The following NFATC2 variants were observed in gnomAD, a reference collection of about 807,000 sequenced individuals.
NFATC2 encodes nuclear factor of activated T-cells, cytoplasmic 2.
NFATC2 carries 22 observed loss-of-function variants against 87.3 expected under a neutral mutation model. The observed-to-expected ratio is 0.25, with a 90% CI of 0.18 to 0.36. The LOEUF is 0.36. Among genes scored for constraint, NFATC2 ranks in the 10% least tolerant of loss-of-function variants. The probability of loss-of-function intolerance (pLI) is 1.00; values close to 1 mark genes in which losing one functional copy is unlikely to be tolerated. For synonymous variants in NFATC2, 565 were observed against 542.2 expected, an observed-to-expected ratio of 1.04 and a Z score of -0.58; for missense variants, 1,149 against 1,259.1, an observed-to-expected ratio of 0.91 and a Z score of 1.32.
chr20:51,483,139 T>G (rs1989406423), intron 3 of NFATC2, among the ~76,000 whole-genome samples: 1 of 152,020 alleles, frequency 6.6e-6, no homozygotes, highest in African/African-American at 2.4e-5. Flanking sequence ...CGCATTTAGA[T>G]GGTTCCCAAC....
At chr20:51,414,965 A>G (rs917950944) in intron 9 of NFATC2, among the ~76,000 whole-genome samples, 1 of 151,762 alleles carries the variant, frequency 6.6e-6, no homozygotes, top group Non-Finnish European at 1.5e-5. Flanking sequence ...ATTCTCTCCT[A>G]GGGGCTGGGC....
chr20:51,424,504 C>A (rs1981469255), intron 9 of NFATC2, among the ~76,000 whole-genome samples: 1 of 152,208 alleles, frequency 6.6e-6, no homozygotes, highest in African/African-American at 2.4e-5. Flanking sequence ...CATTTTCATT[C>A]TTACGGTAAC....
chr20:51,527,755 A>G (rs2076567909), intron 1 of NFATC2, among the ~76,000 whole-genome samples: 2 of 152,114 alleles, frequency 1.3e-5, no homozygotes, highest in African/African-American at 4.8e-5. Flanking sequence ...TTCCAAACAC[A>G]CGTGCCCCCG....
chr20:51,389,328 G>A lies in NFATC2; in HGVS notation c.*2168C>T, dbSNP rs1435034211. 6.6e-6 allele frequency: 1 copy of A among 152,088 alleles called. No homozygotes were observed. The highest frequency in any genetic ancestry group is 2.4e-5 in the African/African-American group (1 of 41,410). 9.4% of individuals were successfully genotyped at this position (152,088 alleles called of 1,614,324 possible). On this transcript the variant is annotated 3_prime_UTR_variant, in exon 11 of 11. Coordinates refer to ENST00000371564, the MANE Select transcript of NFATC2 (RefSeq NM_012340.5). ...TGGGTAAAACATTCAGATAACTGAGGAAAGCCCAAATTCCCTCATGTACAA... is the reference window on the plus strand; with the variant it reads ...TGGGTAAAACATTCAGATAACTGAGAAAAGCCCAAATTCCCTCATGTACAA...
At chr20:51,443,725 T>C (rs898296002) in intron 6 of NFATC2, among the ~76,000 whole-genome samples, 2 of 152,190 alleles carry the variant, frequency 1.3e-5, no homozygotes, top group African/African-American at 4.8e-5. Context: ...TCTACCGCTC[T>C]GGGCTGAGAT....
chr20:51,523,891 G>T lies in NFATC2; in HGVS notation c.350C>A (p.Pro117Gln). The T allele has an allele frequency of 1.9e-6, 3 of 1,605,770 alleles. No homozygotes were observed. The highest frequency in any genetic ancestry group is 2.5e-6 in the Non-Finnish European group (3 of 1,177,486). ...SGLSPRIEIT[P>Q]SHELIQAVGP... is the part of the protein sequence containing the mutation. Reference sequence around the variant, plus strand: ...CACTGCCTGGATCAGTTCGTGGGACGGAGTGATCTCGATCCGAGGGCTCAG... The same window carrying T: ...CACTGCCTGGATCAGTTCGTGGGACTGAGTGATCTCGATCCGAGGGCTCAG... Residue 117 changes from proline to glutamine, a missense_variant, in exon 2 of 11, where the codon CCG becomes CAG. By Grantham distance (76) the Pro-to-Gln change is moderately conservative (BLOSUM62 -1). This residue lies in a region of NFATC2 where 563 missense variants were observed against 585.2 expected (regional missense o/e 0.96). Coordinates refer to ENST00000371564, the MANE Select transcript of NFATC2 (RefSeq NM_012340.5). This position sits in a 1 kb window ranked among gnomAD's most constrained non-coding sequence, Gnocchi z 6.9.
intron 5 of NFATC2, among the ~76,000 whole-genome samples, chr20:51,473,157 C>T (rs150096635): frequency 7.9e-4 from 120 of 152,258 alleles, no homozygotes; most frequent in African/African-American, 2.8e-3. Flanking sequence ...CTGGTCACTT[C>T]GTATCAGACT....
chr20:51,542,800 G>A, upstream of NFATC2: 2 of 805,490 alleles, frequency 2.5e-6, 1 homozygote, highest in Non-Finnish European at 3.0e-6. Context: ...GCCGGCGGGG[G>A]CGGGGCCGCC....
chr20:51,536,442 G>A (rs1395051707), intron 1 of NFATC2, among the ~76,000 whole-genome samples: 1 of 152,176 alleles, frequency 6.6e-6, no homozygotes, highest in Admixed American at 6.5e-5. Flanking sequence ...CACTGGTCCA[G>A]GATGCAGCCT....
intron 5 of NFATC2, among the ~76,000 whole-genome samples, chr20:51,472,564 G>A (rs988877527): frequency 2.0e-5 from 3 of 149,630 alleles, no homozygotes; most frequent in Non-Finnish European, 4.4e-5. Flanking sequence ...TTAGAAGAAA[G>A]AGACTTTAAA....
intron 5 of NFATC2, among the ~76,000 whole-genome samples, chr20:51,468,521 T>C (rs1406197057): frequency 2.0e-5 from 3 of 152,202 alleles, no homozygotes; most frequent in Non-Finnish European, 4.4e-5. Flanking sequence ...GAGAGGCCCA[T>C]CTGCTGGGCA....
At position 51,542,413 on chromosome 20, in the gene NFATC2, G is replaced by A. The variant is rs2076834073; in HGVS notation, c.87C>T (p.Asp29=). 2 of 1,605,096 alleles carry A rather than the reference G, an allele frequency of 1.2e-6. No individual in the cohort carries two copies. Among genetic ancestry groups the A allele is most frequent in the Non-Finnish European group, 1.7e-6 (2 of 1,175,938 alleles). The change falls in exon 1 of 11, where the codon GAC becomes GAT. Residue 29 remains aspartate, a synonymous_variant. Transcript: ENST00000371564. ...EPGGSPQDEL[D]FSILFDYEYL... is the part of the protein sequence containing the mutation. The stretch of plus-strand genomic sequence containing the variant: ...ACTCATAGTCGAAGAGGATGGAGAA[G>A]TCAAGCTCGTCTTGGGGGCTGCCCC...
chr20:51,518,001 C>G (rs1056788898), intron 2 of NFATC2, among the ~76,000 whole-genome samples: 1 of 151,898 alleles, frequency 6.6e-6, no homozygotes, highest in African/African-American at 2.4e-5. Context: ...AAAATGTGAT[C>G]ATGGGGGGCA....
intron 3 of NFATC2, among the ~76,000 whole-genome samples, chr20:51,514,560 T>A (rs1465859381): frequency 6.6e-6 from 1 of 152,142 alleles, no homozygotes; most frequent in Non-Finnish European, 1.5e-5. Flanking sequence ...GAAAGGTGCA[T>A]GGAGCTGTGG....
chr20:51,512,245 T>C (rs889302587), intron 3 of NFATC2, among the ~76,000 whole-genome samples: 11 of 152,174 alleles, frequency 7.2e-5, no homozygotes, highest in Admixed American at 2.0e-4. Context: ...GTAGAAGCAG[T>C]TCCTCCCAAG....
In NFATC2 at chr20:51,523,243, G is replaced by T; in HGVS notation, c.998C>A (p.Ser333Tyr). Residue 333 changes from serine to tyrosine, a missense_variant, in exon 2 of 11, where the codon TCT (serine) becomes TAT (tyrosine). Ser to Tyr is a moderately radical substitution (Grantham distance 144). This residue lies in a region of NFATC2 where 563 missense variants were observed against 585.2 expected (regional missense o/e 0.96). Transcript: ENST00000371564. This position sits in a 1 kb window ranked among gnomAD's most constrained non-coding sequence, Gnocchi z 6.9. ...CAGGCCGGCCTTGGATGGGGCGGCAGACACCGGCGAGGGGTCAGGGCTGGT... is the reference window on the plus strand; with the variant it reads ...CAGGCCGGCCTTGGATGGGGCGGCATACACCGGCGAGGGGTCAGGGCTGGT... The part of the protein sequence containing the change: ...WKTSPDPSPV[S>Y]AAPSKAGLPR... The T allele has an allele frequency of 6.2e-7, 1 of 1,613,706 alleles. No homozygotes were observed. The highest frequency in any genetic ancestry group is 8.5e-7 in the Non-Finnish European group (1 of 1,179,750).
intron 9 of NFATC2, among the ~76,000 whole-genome samples, chr20:51,405,974 A>G (rs894027961): frequency 6.6e-6 from 1 of 152,152 alleles, no homozygotes; most frequent in Non-Finnish European, 1.5e-5. Flanking sequence ...ACAGGATTTC[A>G]CCATGTTGGC....
chr20:51,470,519 T>C (rs552625004), intron 5 of NFATC2, among the ~76,000 whole-genome samples: 4 of 152,304 alleles, frequency 2.6e-5, no homozygotes, highest in Non-Finnish European at 2.9e-5. Context: ...ATCGAAGAAC[T>C]TACCCTTGAT....
intron 9 of NFATC2, among the ~76,000 whole-genome samples, chr20:51,425,125 T>C (rs191752641): frequency 4.0e-4 from 61 of 152,312 alleles, no homozygotes; most frequent in African/African-American, 1.3e-3. Context: ...AGAAATAATG[T>C]TCTAGGAGGC....
Sources: gnomAD v4.1 joint callset for allele counts (sites outside exome capture counted in the v4.1 genomes callset) on GRCh38, gnomAD v4.1.1 for gene constraint, gnomAD v4.1.1 regional missense constraint, Gnocchi (gnomAD v3.1) non-coding constraint, MANE v1.5 for transcripts, NCBI Gene and HGNC (gene_info 2026-07-23, HGNC 2026-07-21) for gene names.